The following CCDC73 variants were observed in gnomAD, a reference collection of about 807,000 sequenced individuals.
The protein encoded by CCDC73 is coiled-coil domain-containing protein 73.
CCDC73 carries 95 observed loss-of-function variants against 116.5 expected under a neutral mutation model. The ratio of observed to expected loss-of-function variants is 0.82; its 90% CI spans 0.69 to 0.97. CCDC73 has a LOEUF of 0.97. CCDC73 is among the 50% of genes least tolerant of loss of function. The pLI is 0.00. For missense variants in CCDC73, 1,066 were observed against 1,206.8 expected (o/e 0.88, Z 1.73); for synonymous variants, 398 against 401.3 (o/e 0.99, Z 0.10).
chr11:32,617,479 T>G (rs577292563), intron 14 of CCDC73, among the ~76,000 whole-genome samples: 1 of 152,184 alleles, frequency 6.6e-6, no homozygotes, highest in Non-Finnish European at 1.5e-5. Flanking sequence ...GAACCACTGA[T>G]AAGTTGCACC....
At chr11:32,826,842 A>G in the CCDC73 span, among the ~76,000 whole-genome samples, 2 of 152,130 alleles carry the variant, frequency 1.3e-5, no homozygotes, top group Non-Finnish European at 1.5e-5. Flanking sequence ...GAAGAAAGGC[A>G]TAAGAATATT....
rs1209148226 is a variant in CCDC73, at chr11:32,613,885, A to G, written c.2433T>C (p.Asn811=). Residue 811 remains asparagine, a synonymous_variant, in exon 16 of 18, where the codon AAT becomes AAC. Coordinates refer to ENST00000335185, the MANE Select transcript of CCDC73 (RefSeq NM_001008391.4). ...CAGTTACCTGATTCTCATCAATCTG[A>G]TTCTTTTTATTGGAAAACTCTGTTT... is the stretch of plus-strand genomic sequence containing the variant. The part of the protein sequence containing the change: ...CTETEFSNKK[N]QIDENQVTEA... 1 of 1,613,134 alleles carries G rather than the reference A, an allele frequency of 6.2e-7. No individual in the cohort carries two copies. Among genetic ancestry groups the G allele is most frequent in the Non-Finnish European group, 8.5e-7 (1 of 1,179,878 alleles).
At chr11:32,818,065 T>C in the CCDC73 span, among the ~76,000 whole-genome samples, 2 of 152,242 alleles carry the variant, frequency 1.3e-5, no homozygotes, top group African/African-American at 4.8e-5. Flanking sequence ...AGTTGGCCTT[T>C]ACTCCAGTTC....
intron 10 of CCDC73, 122 bp from the exon 11 acceptor site, chr11:32,654,159 G>T: frequency 1.2e-6 from 1 of 861,664 alleles, no homozygotes; most frequent in East Asian, 3.0e-5. Flanking sequence ...ACCCACATTT[G>T]TTTTTTTGTT....
the CCDC73 span, among the ~76,000 whole-genome samples, chr11:32,808,575 G>T: frequency 6.6e-6 from 1 of 151,904 alleles, no homozygotes; most frequent in African/African-American, 2.4e-5. Flanking sequence ...GGAGGCAGAG[G>T]TTGCAGTGAG....
the CCDC73 span, among the ~76,000 whole-genome samples, chr11:32,804,327 C>T: frequency 6.6e-6 from 1 of 152,164 alleles, no homozygotes; most frequent in African/African-American, 2.4e-5. Context: ...CTAGTAGATA[C>T]AGGGTTTCAC....
At chr11:32,615,367 T>C (rs995306519) in intron 15 of CCDC73, among the ~76,000 whole-genome samples, 1 of 152,148 alleles carries the variant, frequency 6.6e-6, no homozygotes, top group Non-Finnish European at 1.5e-5. Context: ...TCCAGCAGTA[T>C]CTAGAAATTG....
chr11:32,694,899 T>C (rs1856294918), intron 6 of CCDC73, among the ~76,000 whole-genome samples: 1 of 152,146 alleles, frequency 6.6e-6, no homozygotes, highest in South Asian at 2.1e-4. Context: ...CAAAGTGGTG[T>C]GCCGCAGTGT....
In CCDC73 at chr11:32,654,971, T is replaced by C; in HGVS notation, c.647A>G (p.Glu216Gly). Residue 216 changes from glutamate (E) to glycine (G), a missense_variant and splice_region_variant, in exon 10 of 18, where the codon GAA becomes GGA. By Grantham distance (98) the Glu-to-Gly change is moderately conservative. Transcript: ENST00000335185. ...QEAEICSLKK[E>G]LKKAASDLIK... ...CAAGTCTGAGGCTGCTTTTTTTAGT[T>C]CCTTAATAAGAAACATATCAAACAG... The C allele has an allele frequency of 3.2e-6, 5 of 1,586,936 alleles. No individual in the cohort carries two copies. The highest frequency in any genetic ancestry group is 1.4e-5 in the African/African-American group (1 of 73,194).
chr11:32,785,210 C>T (rs771377795), intron 1 of CCDC73, among the ~76,000 whole-genome samples: 1 of 151,768 alleles, frequency 6.6e-6, no homozygotes, highest in Non-Finnish European at 1.5e-5. Context: ...CTAGAATAGA[C>T]CAGCAATCTC....
the CCDC73 span, among the ~76,000 whole-genome samples, chr11:32,821,829 G>C: frequency 6.6e-6 from 1 of 152,142 alleles, no homozygotes; most frequent in Non-Finnish European, 1.5e-5. Flanking sequence ...TAAAATTTCT[G>C]CACCTGTTTG....
At chr11:32,691,325 T>A (rs1163086967) in intron 6 of CCDC73, among the ~76,000 whole-genome samples, 1 of 152,100 alleles carries the variant, frequency 6.6e-6, no homozygotes, top group Admixed American at 6.6e-5. Context: ...AGATTACAGG[T>A]GTGAGCCACT....
At chr11:32,702,965 A>T (rs1466357996) in intron 3 of CCDC73, 21 bp from the exon 4 acceptor site, 1 of 1,527,406 alleles carries the variant, frequency 6.5e-7, no homozygotes, top group Non-Finnish European at 9.1e-7. Context: ...AATTATGACA[A>T]GTTAAAACAC....
intron 1 of CCDC73, among the ~76,000 whole-genome samples, chr11:32,763,764 G>A (rs1244849769): frequency 6.6e-6 from 1 of 152,244 alleles, no homozygotes; most frequent in Non-Finnish European, 1.5e-5. Context: ...GCTGAATGGA[G>A]AATGACTTTG....
At chr11:32,641,111 A>G (rs1197056849) in intron 13 of CCDC73, among the ~76,000 whole-genome samples, 1 of 152,210 alleles carries the variant, frequency 6.6e-6, no homozygotes, top group Non-Finnish European at 1.5e-5. Flanking sequence ...ATCAAACAAA[A>G]TAATCTACAG....
chr11:32,737,160 C>T (rs532436324), intron 2 of CCDC73, among the ~76,000 whole-genome samples: 14 of 151,190 alleles, frequency 9.3e-5, no homozygotes, highest in African/African-American at 3.4e-4. Flanking sequence ...ATTAAACCTC[C>T]CCAAAATTTC....
At chr11:32,733,549 C>T (rs1850098746) in intron 2 of CCDC73, among the ~76,000 whole-genome samples, 1 of 152,160 alleles carries the variant, frequency 6.6e-6, no homozygotes, top group South Asian at 2.1e-4. Flanking sequence ...TGTAAGAGAA[C>T]AGAAATTATA....
intron 4 of CCDC73, among the ~76,000 whole-genome samples, 157 bp from the exon 5 acceptor site, chr11:32,700,983 A>T (rs1364684430): frequency 6.6e-6 from 1 of 152,188 alleles, no homozygotes; most frequent in African/African-American, 2.4e-5. Flanking sequence ...AATAATAATG[A>T]TATAAAACGA....
At chr11:32,638,779 T>TTTATTTTG in intron 13 of CCDC73, among the ~76,000 whole-genome samples, 1 of 151,560 alleles carries the variant, frequency 6.6e-6, no homozygotes, top group African/African-American at 2.4e-5. Flanking sequence ...GCCCAGCCGA[T>TTTATTTTG]TGTTCTATTG....
Sources: allele counts gnomAD v4.1 joint callset (sites outside exome capture counted in the v4.1 genomes callset), GRCh38; gene constraint gnomAD v4.1.1; transcripts MANE v1.5; gene names NCBI Gene and HGNC (gene_info 2026-07-23, HGNC 2026-07-21).